The following CALN1 variants were observed in gnomAD, a reference collection of about 807,000 sequenced individuals.
CALN1 encodes the protein calneuron 1, also known as calcium-binding protein 8.
In CALN1, 17 loss-of-function variants were observed where a neutral mutation model predicts 30.6. That is an observed-to-expected ratio of 0.56 (90% CI 0.38 to 0.83). CALN1 has a LOEUF of 0.83. CALN1 is among the 40% of genes least tolerant of loss of function. CALN1 has a pLI of 0.00. For synonymous variants in CALN1, 156 were observed against 131.4 expected (o/e 1.19, Z -1.28); for missense variants, 291 against 354.9 (o/e 0.82, Z 1.45).
intron 4 of CALN1, among the ~76,000 whole-genome samples, chr7:72,093,077 C>T (rs844722): frequency 2.6e-5 from 4 of 151,976 alleles, no homozygotes; most frequent in Non-Finnish European, 5.9e-5. Flanking sequence ...AAACAAAGTA[C>T]GCAGCCTGCA....
At position 72,155,101 on chromosome 7, in the gene CALN1, G is replaced by T. The variant is rs189067523; in HGVS notation, c.245-48807C>A. The stretch of plus-strand genomic sequence containing the variant: ...AATTAATTTTTAAAAAGAAAAGGAA[G>T]AAACACCAGGGATCTCACTTTCTCT... On this transcript the variant is annotated intron_variant, in intron 3 of 6. Coordinates refer to ENST00000395275, the MANE Select transcript of CALN1 (RefSeq NM_031468.4). 2.5e-3 allele frequency among the ~76,000 whole-genome samples: 377 copies of T among 152,116 alleles called. 4 individuals are homozygous for T. The highest frequency in any genetic ancestry group is 8.4e-3 in the African/African-American group (350 of 41,504).
At chr7:71,815,495 G>A (rs1788205445) in intron 5 of CALN1, among the ~76,000 whole-genome samples, 1 of 152,082 alleles carries the variant, frequency 6.6e-6, no homozygotes, top group Non-Finnish European at 1.5e-5. Context: ...GTTCTGGAAT[G>A]ACCTAGGAAT....
intron 5 of CALN1, among the ~76,000 whole-genome samples, chr7:72,004,309 C>T (rs1799665002): frequency 6.6e-6 from 1 of 152,122 alleles, no homozygotes; most frequent in Non-Finnish European, 1.5e-5. Context: ...ACAAATGATG[C>T]TGGGGTAAGT....
At chr7:72,313,188 G>A (rs1221794408) in intron 2 of CALN1, among the ~76,000 whole-genome samples, 1 of 152,038 alleles carries the variant, frequency 6.6e-6, no homozygotes, top group African/African-American at 2.4e-5. Context: ...AGAATGGATG[G>A]GAGAATGGAG....
chr7:72,235,918 C>T (rs1252921647), intron 3 of CALN1, among the ~76,000 whole-genome samples: 1 of 151,794 alleles, frequency 6.6e-6, no homozygotes, highest in Non-Finnish European at 1.5e-5. Context: ...GCTACCTGAC[C>T]AAGAACCAGC....
At chr7:71,899,349 G>A (rs1793724910) in intron 5 of CALN1, among the ~76,000 whole-genome samples, 1 of 152,080 alleles carries the variant, frequency 6.6e-6, no homozygotes, top group Non-Finnish European at 1.5e-5. Flanking sequence ...CTCCATGTTG[G>A]TCAGGCTGGT....
Position 71,983,451 on chromosome 7 carries a change from C to T in CALN1, c.501+40206G>A, listed in dbSNP as rs927430435. Reference sequence around the variant, plus strand: ...TGTCTCTATTCACACATACACACACCCACATATGTGCACACACATACACAC... The same window carrying T: ...TGTCTCTATTCACACATACACACACTCACATATGTGCACACACATACACAC... On this transcript the variant is annotated intron_variant, in intron 5 of 6. Transcript: ENST00000395275. Among the ~76,000 whole-genome samples the T allele has an allele frequency of 3.3e-5, 5 of 152,114 alleles. No individual in the cohort carries two copies. In the South Asian group the frequency reaches 1.0e-3, roughly 31 times the overall value.
intron 4 of CALN1, among the ~76,000 whole-genome samples, chr7:72,072,453 C>T (rs1804464457): frequency 6.6e-6 from 1 of 152,154 alleles, no homozygotes; most frequent in South Asian, 2.1e-4. Flanking sequence ...TTAAGACATT[C>T]CTAAACAAAA....
At chr7:71,925,832 G>A (rs1795241424) in intron 5 of CALN1, among the ~76,000 whole-genome samples, 1 of 152,154 alleles carries the variant, frequency 6.6e-6, no homozygotes, top group Non-Finnish European at 1.5e-5. Context: ...AATTCCTGGT[G>A]TCATCCAAGA....
At chr7:72,005,982 G>A (rs185716866) in intron 5 of CALN1, among the ~76,000 whole-genome samples, 2 of 152,284 alleles carry the variant, frequency 1.3e-5, no homozygotes, top group African/African-American at 4.8e-5. Flanking sequence ...ACTATTAGCA[G>A]TTTGTATCAA....
At chr7:72,138,203 G>C (rs916034038) in intron 3 of CALN1, among the ~76,000 whole-genome samples, 6 of 151,888 alleles carry the variant, frequency 4.0e-5, no homozygotes, top group Non-Finnish European at 8.8e-5. Flanking sequence ...AAGGGAAAAA[G>C]ACATAAAGGA....
chr7:72,143,309 C>T (rs567362088), intron 3 of CALN1, among the ~76,000 whole-genome samples: 163 of 152,154 alleles, frequency 1.1e-3, no homozygotes, highest in African/African-American at 3.5e-3. Context: ...AACCATGGCA[C>T]GAGAACTACG....
intron 5 of CALN1, among the ~76,000 whole-genome samples, chr7:71,818,064 G>T (rs1788371210): frequency 6.6e-6 from 1 of 152,084 alleles, no homozygotes; most frequent in Non-Finnish European, 1.5e-5. Flanking sequence ...CAGATACTGT[G>T]ATGGGAATAC....
At chr7:72,399,550 T>C (rs533246960) in intron 2 of CALN1, among the ~76,000 whole-genome samples, 75 of 152,272 alleles carry the variant, frequency 4.9e-4, no homozygotes, top group South Asian at 2.5e-3. Context: ...ATTACAGGCA[T>C]GAGCCACCGT....
At chr7:72,479,525 A>C in the CALN1 span, among the ~76,000 whole-genome samples, 4 of 150,222 alleles carry the variant, frequency 2.7e-5, no homozygotes, top group African/African-American at 9.8e-5. Context: ...TAGGTTTTAC[A>C]TATGGATATT....
At chr7:72,375,178 G>C (rs1027036138) in intron 2 of CALN1, among the ~76,000 whole-genome samples, 1 of 152,150 alleles carries the variant, frequency 6.6e-6, no homozygotes, top group Non-Finnish European at 1.5e-5. Flanking sequence ...AAAAGTCTTG[G>C]TGTGGCCCAG....
intron 2 of CALN1, among the ~76,000 whole-genome samples, chr7:72,323,169 C>CA (rs938136922): frequency 6.6e-6 from 1 of 151,870 alleles, no homozygotes; most frequent in Non-Finnish European, 1.5e-5. Context: ...AGAGAGGACT[C>CA]AGAGTGTGCT....
intron 2 of CALN1, among the ~76,000 whole-genome samples, chr7:72,289,764 T>A (rs1216125295): frequency 6.6e-6 from 1 of 152,074 alleles, no homozygotes; most frequent in African/African-American, 2.4e-5. Context: ...ATTTTTCACT[T>A]ATTTCATTGT....
chr7:72,249,946 CAA>C (rs386410444), intron 3 of CALN1, among the ~76,000 whole-genome samples: 6 of 117,244 alleles, frequency 5.1e-5, no homozygotes, highest in Non-Finnish European at 8.7e-5. Context: ...CAAAACAAAC[CAA>C]AAAAAAAAAA....
Sources: gnomAD v4.1 joint callset for allele counts (sites outside exome capture counted in the v4.1 genomes callset) on GRCh38, gnomAD v4.1.1 for gene constraint, MANE v1.5 for transcripts, NCBI Gene and HGNC (gene_info 2026-07-23, HGNC 2026-07-21) for gene names.